TENM3: variants seen among roughly 807,000 people sequenced by gnomAD.
TENM3 encodes the protein teneurin transmembrane protein 3.
TENM3 carries 63 observed loss-of-function variants against 255.1 expected under a neutral mutation model. The observed-to-expected ratio is 0.25, with a 90% CI of 0.20 to 0.30. TENM3 has a LOEUF of 0.30. TENM3 is among the 10% of genes least tolerant of loss of function. The pLI is 1.00. For missense variants in TENM3, 2,929 were observed against 3,461.1 expected, an observed-to-expected ratio of 0.85 and a Z score of 3.86; for synonymous variants, 1,306 against 1,322.3, an observed-to-expected ratio of 0.99 and a Z score of 0.27.
At chr4:181,659,663 T>G in the TENM3 span, among the ~76,000 whole-genome samples, 1 of 152,160 alleles carries the variant, frequency 6.6e-6, no homozygotes, top group South Asian at 2.1e-4. Flanking sequence ...TCAGGAAAAG[T>G]GCTGAAATGT....
intron 3 of TENM3, among the ~76,000 whole-genome samples, chr4:182,479,410 T>A (rs1448178015): frequency 2.0e-5 from 3 of 151,902 alleles, no homozygotes; most frequent in Non-Finnish European, 2.9e-5. Flanking sequence ...ATAAATATAT[T>A]TATTATAGTC....
chr4:182,121,688 T>C, the TENM3 span, among the ~76,000 whole-genome samples: 5 of 152,216 alleles, frequency 3.3e-5, no homozygotes, highest in Non-Finnish European at 5.9e-5. Context: ...CTAAAGATCA[T>C]TGGAGCCTTC....
chr4:182,342,622 G>T (rs530472058), intron 2 of TENM3, among the ~76,000 whole-genome samples: 6 of 152,132 alleles, frequency 3.9e-5, no homozygotes, highest in Admixed American at 1.3e-4. Context: ...GCATTTTGTG[G>T]TATGTGAGTT....
intron 22 of TENM3, among the ~76,000 whole-genome samples, chr4:182,762,023 T>A (rs1242672223): frequency 6.6e-6 from 1 of 152,200 alleles, no homozygotes; most frequent in African/African-American, 2.4e-5. Context: ...CCTTCTGCAG[T>A]CTAGTTTTTA....
rs75788865 is a variant in TENM3, at chr4:182,799,237, C to T, written c.7345-359C>T. ...TCTCAGCCTCCTGTGGAGAAAGCTA[C>T]GAGCATGCAGATCCGGATGAGCTGG... On this transcript the variant is annotated intron_variant, in intron 27 of 27. Transcript: ENST00000511685. This position sits in a 1 kb window ranked among gnomAD's most constrained non-coding sequence, Gnocchi z 4.2. Among the ~76,000 whole-genome samples, 71 of 152,322 alleles carry T rather than the reference C, an allele frequency of 4.7e-4. No individual in the cohort carries two copies. In the East Asian group the frequency reaches 0.012, roughly 25 times the overall value.
intron 1 of TENM3, among the ~76,000 whole-genome samples, chr4:182,191,546 G>A (rs781130165): frequency 2.0e-5 from 3 of 152,066 alleles, no homozygotes; most frequent in Non-Finnish European, 4.4e-5. Flanking sequence ...AACTTAGTGC[G>A]GTTAGTTTTA....
chr4:181,602,229 G>A, the TENM3 span, among the ~76,000 whole-genome samples: 2 of 152,160 alleles, frequency 1.3e-5, no homozygotes, highest in African/African-American at 4.8e-5. Context: ...CAAAGTGCAT[G>A]TAACAATTTA....
intron 12 of TENM3, among the ~76,000 whole-genome samples, chr4:182,706,218 G>C (rs538898313): frequency 1.3e-5 from 2 of 152,268 alleles, no homozygotes; most frequent in South Asian, 4.1e-4. Flanking sequence ...TTTGGTGTCA[G>C]ACTGCCTGGT....
the TENM3 span, among the ~76,000 whole-genome samples, chr4:181,525,720 T>C: frequency 2.6e-5 from 4 of 152,226 alleles, no homozygotes; most frequent in African/African-American, 4.8e-5. Context: ...TTGACCAGCT[T>C]ATTGAATACA....
chr4:181,971,010 C>T, the TENM3 span, among the ~76,000 whole-genome samples: 7 of 151,890 alleles, frequency 4.6e-5, no homozygotes, highest in African/African-American at 1.2e-4. Context: ...TGCAGTGGTG[C>T]GATCACTGCT....
chr4:182,522,670 G>C (rs1738706017), intron 3 of TENM3, among the ~76,000 whole-genome samples: 1 of 152,204 alleles, frequency 6.6e-6, no homozygotes, highest in Non-Finnish European at 1.5e-5. Context: ...GTAGACATCT[G>C]CCGTGGTGTA....
intron 6 of TENM3, among the ~76,000 whole-genome samples, chr4:182,661,668 C>A (rs1172192983): frequency 6.6e-6 from 1 of 152,138 alleles, no homozygotes; most frequent in Non-Finnish European, 1.5e-5. Flanking sequence ...AAGATATGTT[C>A]TCTCAGAGAT....
At chr4:181,947,423 T>C in the TENM3 span, among the ~76,000 whole-genome samples, 1 of 152,224 alleles carries the variant, frequency 6.6e-6, no homozygotes, top group Non-Finnish European at 1.5e-5. Flanking sequence ...TTGGTTTTTG[T>C]TCAAAAACCT....
In TENM3 at chr4:182,789,122, C is replaced by T. The variant is rs1249633696; in HGVS notation, c.5334C>T (p.Asp1778=). 3.1e-6 allele frequency: 5 copies of T among 1,610,226 alleles called. No homozygotes were observed. Among genetic ancestry groups the T allele is most frequent in the Non-Finnish European group, 4.2e-6 (5 of 1,177,126 alleles). The part of the protein sequence containing the change: ...RVNGRNLLSV[D]FDRTTKTEKI... ...ATGGCAGAAACCTCCTTTCAGTTGA[C>T]TTTGATCGAACAACAAAGACAGAAA... Residue 1778 remains aspartate, a synonymous_variant, in exon 25 of 28, where the codon GAC becomes GAT. Transcript: ENST00000511685. The surrounding 1 kb of genome is among the most constrained non-coding windows in gnomAD (Gnocchi z 4.4).
chr4:181,653,918 G>A, the TENM3 span, among the ~76,000 whole-genome samples: 1 of 151,618 alleles, frequency 6.6e-6, no homozygotes, highest in African/African-American at 2.4e-5. Context: ...CTGTGTCCAT[G>A]CGTTCTCACA....
At chr4:181,932,745 C>G in the TENM3 span, among the ~76,000 whole-genome samples, 3 of 152,112 alleles carry the variant, frequency 2.0e-5, no homozygotes, top group East Asian at 5.8e-4. Flanking sequence ...TTCACAATAG[C>G]AAAGACTTGG....
At chr4:182,201,551 C>A (rs1265097683) in intron 1 of TENM3, among the ~76,000 whole-genome samples, 1 of 151,858 alleles carries the variant, frequency 6.6e-6, no homozygotes, top group East Asian at 1.9e-4. Flanking sequence ...CAAAATCAGA[C>A]CTTGGGGCAG....
the TENM3 span, among the ~76,000 whole-genome samples, chr4:181,551,018 T>C: frequency 0.31 from 46,568 of 152,034 alleles, 7,613 homozygotes; most frequent in African/African-American, 0.42. Context: ...GGTAAGGAAC[T>C]CAGCATATAT....
At chr4:181,877,182 G>A in the TENM3 span, 1 of 152,096 alleles carries the variant, frequency 6.6e-6, no homozygotes, top group African/African-American at 2.4e-5. Context: ...TTAGAGTTTA[G>A]AGGGGGTAAA....
Sources: allele counts gnomAD v4.1 joint callset (sites outside exome capture counted in the v4.1 genomes callset), GRCh38; gene constraint gnomAD v4.1.1; non-coding constraint Gnocchi (gnomAD v3.1); transcripts MANE v1.5; gene names NCBI Gene and HGNC (gene_info 2026-07-23, HGNC 2026-07-21).